GLS2: variants seen among roughly 807,000 people sequenced by gnomAD.
The protein encoded by GLS2 is glutaminase 2.
In GLS2, 52 loss-of-function variants were observed where a neutral mutation model predicts 79.0. The ratio of observed to expected loss-of-function variants is 0.66; its 90% CI spans 0.53 to 0.83. The LOEUF (loss-of-function observed/expected upper bound fraction) is 0.83. Among genes scored for constraint, GLS2 ranks in the 40% least tolerant of loss-of-function variants. GLS2 has a pLI of 0.00. For missense variants in GLS2, 561 were observed against 764.8 expected, an observed-to-expected ratio of 0.73 and a Z score of 3.14; for synonymous variants, 238 against 280.8, an observed-to-expected ratio of 0.85 and a Z score of 1.52.
At chr12:56,472,219 A>G (rs377248358) in intron 15 of GLS2, 24 bp from the exon 16 acceptor site, 53 of 1,605,630 alleles carry the variant, frequency 3.3e-5, no homozygotes, top group African/African-American at 1.5e-4. Flanking sequence ...GAAAGCAGCT[A>G]GAGTTGCCTA....
intron 1 of GLS2, among the ~76,000 whole-genome samples, chr12:56,486,041 A>T (rs901904298): frequency 1.6e-4 from 24 of 150,336 alleles, no homozygotes; most frequent in South Asian, 4.2e-4. Context: ...AAAAGTCATA[A>T]ATACAGCTAA....
In GLS2 at chr12:56,488,004, G is replaced by T; in HGVS notation, c.115C>A (p.His39Asn). The T allele has an allele frequency of 6.3e-7, 1 of 1,599,840 alleles. No homozygotes were observed. Among genetic ancestry groups the T allele is most frequent in the Non-Finnish European group, 8.5e-7 (1 of 1,179,084 alleles). Residue 39 changes from histidine (H) to asparagine (N), a missense_variant, in exon 1 of 18, where the codon CAC becomes AAC. Transcript: ENST00000311966. ...CCCTGCGCCGCGGCCTCACTGAGGTGGTGCCGGACGCCCCCGCCAAGGAGG... is the reference window on the plus strand; with the variant it reads ...CCCTGCGCCGCGGCCTCACTGAGGTTGTGCCGGACGCCCCCGCCAAGGAGG... ...SPLLGGGVRH[H>N]LSEAAAQGRE...
intron 12 of GLS2, chr12:56,474,328 A>G (rs1275810858): frequency 1.8e-6 from 1 of 570,906 alleles, no homozygotes; most frequent in East Asian, 3.2e-5. Flanking sequence ...ACCTCAGGTG[A>G]TCCACCTGCC....
At position 56,479,111 on chromosome 12, in the gene GLS2, C is replaced by T; in HGVS notation, c.475G>A (p.Glu159Lys). The part of the protein sequence containing the change: ...RKKFVIPDFE[E>K]FTGHVDRIFE... ...ATGCGATCCACATGGCCCGTGAACT[C>T]CTCAAAATCAGGAATGACAAACTTC... Residue 159 changes from glutamate (E) to lysine (K), a missense_variant, in exon 4 of 18, where the codon GAG (glutamate) becomes AAG (lysine). Transcript: ENST00000311966. 6.2e-7 allele frequency: 1 copy of T among 1,614,046 alleles called. No homozygotes were observed. Among genetic ancestry groups the T allele is most frequent in the South Asian group, 1.1e-5 (1 of 91,064 alleles).
chr12:56,478,551 T>C (rs1236259464), intron 4 of GLS2: 3 of 410,418 alleles, frequency 7.3e-6, no homozygotes, highest in South Asian at 2.7e-5. Context: ...AGTTACCCTA[T>C]AAATCCCTTT....
At chr12:56,473,737 T>C (rs1869524197) in intron 12 of GLS2, 143 bp from the exon 13 acceptor site, 1 of 960,384 alleles carries the variant, frequency 1.0e-6, no homozygotes, top group African/African-American at 1.7e-5. Context: ...AATTAGCTTC[T>C]TTTATTACTC....
intron 11 of GLS2, 43 bp from the exon 12 acceptor site, chr12:56,474,763 A>C: frequency 6.2e-7 from 1 of 1,611,882 alleles, no homozygotes; most frequent in Admixed American, 1.7e-5. Flanking sequence ...GTGAACCTGC[A>C]CATGGGACCC....
chr12:56,488,036 C>A lies in GLS2; in HGVS notation c.83G>T (p.Arg28Leu). 1 of 1,591,166 alleles carries A rather than the reference C, an allele frequency of 6.3e-7. No homozygotes were observed. The highest frequency in any genetic ancestry group is 2.2e-5 in the East Asian group (1 of 44,460). ...GACGCCCCCGCCAAGGAGGGGGCTC[C>A]GGCTCGGGTGACCCCAGCCTCCTCG... The part of the protein sequence containing the change: ...CGRGGWGHPS[R>L]SPLLGGGVRH... The change falls in exon 1 of 18, where the codon CGG (arginine) becomes CTG (leucine). Residue 28 changes from arginine to leucine, a missense_variant. Coordinates refer to ENST00000311966, the MANE Select transcript of GLS2 (RefSeq NM_013267.4).
At chr12:56,476,636 C>G (rs1869846813) in intron 7 of GLS2, 1 of 150,830 alleles carries the variant, frequency 6.6e-6, no homozygotes, top group African/African-American at 2.5e-5. Context: ...CTCTGTCGCC[C>G]AGGCTGGAGT....
At chr12:56,474,439 G>A (rs1869605438) in intron 12 of GLS2, 105 bp downstream of exon 12, 1 of 1,408,466 alleles carries the variant, frequency 7.1e-7, no homozygotes, top group Non-Finnish European at 9.7e-7. Flanking sequence ...GGAAGTTAGT[G>A]AATGAGAGGC....
intron 3 of GLS2, 21 bp from the exon 4 acceptor site, chr12:56,479,202 G>A: frequency 6.2e-7 from 1 of 1,611,412 alleles, no homozygotes; most frequent in Non-Finnish European, 8.5e-7. Context: ...GACACGATTG[G>A]ATTAGGGGGC....
intron 8 of GLS2, 21 bp downstream of exon 8, chr12:56,475,924 C>A (rs1869768062): frequency 1.2e-6 from 2 of 1,613,430 alleles, no homozygotes; most frequent in African/African-American, 2.7e-5. Flanking sequence ...CAGCCAGGGG[C>A]TAAGTAGCAA....
rs768560437 is a variant in GLS2, at chr12:56,478,000, G to A, written c.711C>T (p.Tyr237=). ...AISISTLGTD[Y]VHKFVGKEPS... ...GCTCTTTGCCCACAAACTTGTGCAC[G>A]TAGTCAGTGCCTAGGGTGCTTATGG... Residue 237 remains tyrosine, a synonymous_variant, in exon 6 of 18, where the codon TAC becomes TAT. Coordinates refer to ENST00000311966, the MANE Select transcript of GLS2 (RefSeq NM_013267.4). 4.1e-5 allele frequency: 66 copies of A among 1,614,114 alleles called. No individual in the cohort carries two copies. The highest frequency in any genetic ancestry group is 5.4e-5 in the Non-Finnish European group (64 of 1,180,046).
intron 9 of GLS2, 141 bp from the exon 10 acceptor site, chr12:56,475,251 T>C: frequency 6.4e-7 from 1 of 1,571,218 alleles, no homozygotes; most frequent in Non-Finnish European, 8.6e-7. Flanking sequence ...ACAGTAATAT[T>C]AGAGGAAATT....
intron 4 of GLS2, 141 bp downstream of exon 4, chr12:56,478,911 G>A: frequency 2.0e-6 from 2 of 1,009,572 alleles, no homozygotes; most frequent in South Asian, 3.3e-5. Context: ...TTGAACCTGG[G>A]AGGTGGAGGT....
In GLS2 at chr12:56,478,061, A is replaced by T; in HGVS notation, c.650T>A (p.Leu217Gln). 1.2e-6 allele frequency: 2 copies of T among 1,614,202 alleles called. No homozygotes were observed. The highest frequency in any genetic ancestry group is 1.7e-6 in the Non-Finnish European group (2 of 1,180,018). The change falls in exon 6 of 18, where the codon CTG (leucine) becomes CAG (glutamine). Residue 217 changes from leucine to glutamine, a missense_variant. By Grantham distance (113) the Leu-to-Gln change is moderately radical (BLOSUM62 -2). Transcript: ENST00000311966. ...SVGHTKIPFC[L>Q]QSCVKPLTYA... ...GGTGAGGGGCTTCACACAGGACTGC[A>T]GGCAGAAGGGGATCTTTGTGTGGCC...
rs1407179861 is a variant in GLS2, at chr12:56,475,952, A to C, written c.863T>G (p.Phe288Cys). ...IKMDCNKAEKFDFVLQYLNKM... is the reference protein window; with the variant it reads ...IKMDCNKAEKCDFVLQYLNKM... Reference sequence around the variant, plus strand: ...AGTAGCAAGGGAACTTACAAAATCAAACTTCTCTGCTTTGTTACAGTCCAT... The same window carrying C: ...AGTAGCAAGGGAACTTACAAAATCACACTTCTCTGCTTTGTTACAGTCCAT... Residue 288 changes from phenylalanine to cysteine, a missense_variant, in exon 8 of 18, where the codon TTT (phenylalanine) becomes TGT (cysteine). Coordinates refer to ENST00000311966, the MANE Select transcript of GLS2 (RefSeq NM_013267.4). 2.5e-6 allele frequency: 4 copies of C among 1,613,550 alleles called. No individual in the cohort carries two copies. The highest frequency in any genetic ancestry group is 3.4e-6 in the Non-Finnish European group (4 of 1,179,944).
chr12:56,476,305 G>T, intron 7 of GLS2: 3 of 310,008 alleles, frequency 9.7e-6, no homozygotes, highest in Non-Finnish European at 1.8e-5. Flanking sequence ...CGGATTACAG[G>T]CATGAGCCAG....
At chr12:56,479,417 A>G (rs1203745321) in intron 3 of GLS2, 8 of 479,416 alleles carry the variant, frequency 1.7e-5, no homozygotes, top group Non-Finnish European at 2.5e-5. Flanking sequence ...AAAAAAATAA[A>G]TACCAGAATA....
Sources: allele counts gnomAD v4.1 joint callset (sites outside exome capture counted in the v4.1 genomes callset), GRCh38; gene constraint gnomAD v4.1.1; transcripts MANE v1.5; gene names NCBI Gene and HGNC (gene_info 2026-07-23, HGNC 2026-07-21).